KIF15: variants seen among roughly 807,000 people sequenced by gnomAD.
KIF15 encodes the protein kinesin family member 15.
A neutral mutation model predicts 190.6 loss-of-function variants in KIF15; 140 were observed. The ratio of observed to expected loss-of-function variants is 0.73; its 90% CI spans 0.64 to 0.84. The LOEUF (loss-of-function observed/expected upper bound fraction) is 0.84. Ranked by LOEUF, KIF15 falls within the 40% of genes least tolerant of loss-of-function variation. The pLI, the probability that KIF15 is intolerant of heterozygous loss-of-function variation, is 0.00. For synonymous variants in KIF15, 528 were observed against 551.3 expected (o/e 0.96, Z 0.59); for missense variants, 1,372 against 1,584.4 (o/e 0.87, Z 2.28).
Position 44,840,445 on chromosome 3 carries a change from G to A in KIF15, c.3409G>A (p.Glu1137Lys). The A allele has an allele frequency of 1.3e-6, 2 of 1,596,824 alleles. No homozygotes were observed. The highest frequency in any genetic ancestry group is 8.6e-7 in the Non-Finnish European group (1 of 1,167,572). ...AGAACATGTGATGGATTCTGCTGCT[G>A]AGGATCCCCAGGTACTTTTCAGAAA... ...QLEHVMDSAAEDPQSPKTPPH... is the reference protein window; with the variant it reads ...QLEHVMDSAAKDPQSPKTPPH... The change falls in exon 28 of 35, where the codon GAG (glutamate) becomes AAG (lysine). Residue 1137 changes from glutamate to lysine, a missense_variant. Physicochemically the swap from Glu to Lys is moderately conservative, Grantham distance 56. Transcript: ENST00000326047.
intron 23 of KIF15, 152 bp downstream of exon 23, chr3:44,827,680 T>C: frequency 4.0e-6 from 2 of 505,972 alleles, no homozygotes. Context: ...ATTTTTAATT[T>C]TATTTTTTTC....
Position 44,864,077 on chromosome 3 carries a change from C to T in KIF15, c.*60-9252C>T, listed in dbSNP as rs1699293363. 3 of 1,237,172 alleles carry T rather than the reference C, an allele frequency of 2.4e-6. No homozygotes were observed. The South Asian group carries it at 4.0e-5, about 16-fold the overall frequency. 76.6% of individuals were successfully genotyped at this position (1,237,172 alleles called of 1,614,324 possible). A position where few individuals can be genotyped will look rare whatever the true frequency, so the allele number is the denominator to read the frequency against. On this transcript the variant is annotated intron_variant and NMD_transcript_variant, in intron 6 of 6. Transcript: ENST00000422209. ...CAGGAAAGCTCTGAGGCCCTCTGAG[C>T]TGTAGTGGGAGCTCAGTAGGAGCCT...
At chr3:44,823,765 C>G (rs1299986163) in intron 20 of KIF15, among the ~76,000 whole-genome samples, 1 of 152,238 alleles carries the variant, frequency 6.6e-6, no homozygotes, top group South Asian at 2.1e-4. Context: ...AGGTCGATCT[C>G]AGACTGCTGT....
At chr3:44,851,716 T>C in intron 32 of KIF15, 71 bp from the exon 33 acceptor site, 1 of 1,302,126 alleles carries the variant, frequency 7.7e-7, no homozygotes, top group African/African-American at 1.5e-5. Context: ...GCAGTACACA[T>C]GTCTAACTTG....
Position 44,810,849 on chromosome 3 carries a change from A to G in KIF15, c.1975A>G (p.Ile659Val), listed in dbSNP as rs141131531. The G allele has an allele frequency of 8.6e-5, 138 of 1,603,924 alleles. No individual in the cohort carries two copies. The African/African-American group carries it at 1.7e-3, about 19-fold the overall frequency. ...CCATAATCATTTTTTGCTGCAGATT[A>G]TAACTACACCAACCAAGGCCTACCA... ...NKIHAETLKI[I>V]TTPTKAYQLH... The change falls in exon 17 of 35, where the codon ATA becomes GTA. Residue 659 changes from isoleucine (I) to valine (V), a missense_variant. Physicochemically the swap from Ile to Val is conservative, Grantham distance 29. Coordinates refer to ENST00000326047, the MANE Select transcript of KIF15 (RefSeq NM_020242.3).
At chr3:44,817,592 T>A (rs1036793875) in intron 20 of KIF15, among the ~76,000 whole-genome samples, 19 of 152,222 alleles carry the variant, frequency 1.2e-4, no homozygotes, top group Non-Finnish European at 2.5e-4. Context: ...TCTGTTCCGT[T>A]GGTCTATATC....
intron 7 of KIF15, among the ~76,000 whole-genome samples, chr3:44,788,137 G>A (rs73076566): frequency 0.012 from 1,766 of 152,336 alleles, 20 homozygotes; most frequent in Non-Finnish European, 0.016. Flanking sequence ...ATAGGCATGA[G>A]CTACCGTGCC....
intron 1 of KIF15, among the ~76,000 whole-genome samples, chr3:44,767,060 T>G (rs1705420869): frequency 6.6e-6 from 1 of 152,114 alleles, no homozygotes; most frequent in Non-Finnish European, 1.5e-5. Context: ...TCCGCCCGCT[T>G]CGGCCTCCCA....
chr3:44,829,509 G>A (rs529302976), intron 24 of KIF15, among the ~76,000 whole-genome samples: 1,140 of 65,330 alleles, frequency 0.017, 35 homozygotes, highest in African/African-American at 0.067. Context: ...TATAATATAC[G>A]CATATATATT....
chr3:44,829,641 T>TAC (rs1329287141), intron 24 of KIF15, among the ~76,000 whole-genome samples: 75 of 132,594 alleles, frequency 5.7e-4, no homozygotes, highest in Non-Finnish European at 7.7e-4. Flanking sequence ...TATATGTATA[T>TAC]ATTATATATG....
At position 44,830,069 on chromosome 3, in the gene KIF15, C is replaced by A; in HGVS notation, c.3042C>A (p.Asp1014Glu). The change falls in exon 25 of 35, where the codon GAC becomes GAA. Residue 1014 changes from aspartate (D) to glutamate (E), a missense_variant. Coordinates refer to ENST00000326047, the MANE Select transcript of KIF15 (RefSeq NM_020242.3). Reference sequence around the variant, plus strand: ...ACACCCTGAAACAAGAACTGAAGGACATAAATGTAAGTTCGGTCACCAACA... The same window carrying A: ...ACACCCTGAAACAAGAACTGAAGGAAATAAATGTAAGTTCGGTCACCAACA... ...TIDTLKQELK[D>E]INCKYNSALV... is the part of the protein sequence containing the mutation. 1 of 1,564,550 alleles carries A rather than the reference C, an allele frequency of 6.4e-7. No individual in the cohort carries two copies. Among genetic ancestry groups the A allele is most frequent in the Non-Finnish European group, 8.7e-7 (1 of 1,153,130 alleles).
chr3:44,794,757 C>T (rs1413421951), intron 8 of KIF15, among the ~76,000 whole-genome samples: 8 of 151,930 alleles, frequency 5.3e-5, no homozygotes, highest in Admixed American at 2.6e-4. Flanking sequence ...GTCAGGAGAT[C>T]GAGACCATCC....
At chr3:44,820,925 G>A (rs575857205) in intron 20 of KIF15, among the ~76,000 whole-genome samples, 27 of 151,370 alleles carry the variant, frequency 1.8e-4, no homozygotes, top group Admixed American at 1.3e-3. Flanking sequence ...CAGTAGGGGC[G>A]GCCGGGCAGA....
intron 1 of KIF15, among the ~76,000 whole-genome samples, chr3:44,772,594 A>G (rs547072409): frequency 2.8e-4 from 43 of 152,356 alleles, no homozygotes; most frequent in Non-Finnish European, 5.0e-4. Context: ...CTTTTTAAGA[A>G]AATCCTTTTG....
downstream of KIF15, among the ~76,000 whole-genome samples, chr3:44,853,831 G>A (rs1330024758): frequency 6.6e-6 from 1 of 152,120 alleles, no homozygotes; most frequent in African/African-American, 2.4e-5. Flanking sequence ...GCAATAAAAA[G>A]GGAACATGCT....
chr3:44,843,708 G>A (rs1698718249), intron 30 of KIF15, among the ~76,000 whole-genome samples: 1 of 152,140 alleles, frequency 6.6e-6, no homozygotes, highest in Non-Finnish European at 1.5e-5. Context: ...TTTGGCTTCA[G>A]GTAAGGCAGT....
At chr3:44,845,722 A>G (rs1388308123) in intron 30 of KIF15, among the ~76,000 whole-genome samples, 1 of 151,840 alleles carries the variant, frequency 6.6e-6, no homozygotes, top group East Asian at 1.9e-4. Flanking sequence ...ATCACAAGAA[A>G]TTCCTGCAGG....
chr3:44,773,486 G>A (rs1333546849), intron 1 of KIF15, among the ~76,000 whole-genome samples: 3 of 152,144 alleles, frequency 2.0e-5, no homozygotes, highest in East Asian at 1.9e-4. Context: ...TCCATCCTAC[G>A]CATGAGCCTG....
At chr3:44,817,364 A>G (rs1230544429) in intron 20 of KIF15, among the ~76,000 whole-genome samples, 1 of 152,146 alleles carries the variant, frequency 6.6e-6, no homozygotes, top group African/African-American at 2.4e-5. Context: ...TAGGGTTTTT[A>G]TGGTTTTAGG....
Sources: gnomAD v4.1 joint callset for allele counts (sites outside exome capture counted in the v4.1 genomes callset) on GRCh38, gnomAD v4.1.1 for gene constraint, MANE v1.5 for transcripts, NCBI Gene and HGNC (gene_info 2026-07-23, HGNC 2026-07-21) for gene names.